SLC25A53: variants seen among roughly 807,000 people sequenced by gnomAD.
SLC25A53 encodes the protein solute carrier family 25 member 53.
SLC25A53 carries 5 observed loss-of-function variants against 15.0 expected under a neutral mutation model. The observed-to-expected ratio is 0.33, with a 90% CI of 0.17 to 0.70. SLC25A53 has a LOEUF of 0.70. SLC25A53 is among the 30% of genes least tolerant of loss of function. The probability of loss-of-function intolerance (pLI) is 0.67; values close to 1 mark genes in which losing one functional copy is unlikely to be tolerated. For missense variants in SLC25A53, 216 were observed against 241.6 expected (o/e 0.89, Z 0.70); for synonymous variants, 95 against 100.0 (o/e 0.95, Z 0.30).
intron 1 of SLC25A53, among the ~76,000 whole-genome samples, chrX:104,148,281 T>C (rs1216181198): frequency 9.5e-6 from 1 of 105,682 alleles, no homozygotes; most frequent in Non-Finnish European, 1.9e-5. Flanking sequence ...AAGGGGAACA[T>C]CACACTCTGG....
At chrX:104,137,432 C>G (rs143176554) in intron 1 of SLC25A53, among the ~76,000 whole-genome samples, 4 of 110,658 alleles carry the variant, frequency 3.6e-5, no homozygotes, top group South Asian at 3.9e-4. Context: ...CCTGCACCCC[C>G]CAAGCCCCAA....
intron 1 of SLC25A53, chrX:104,114,922 A>G: frequency 8.3e-7 from 1 of 1,198,184 alleles, no homozygotes; most frequent in Non-Finnish European, 1.1e-6. Flanking sequence ...AATAGATGAT[A>G]CCCTTGATGA....
At chrX:104,150,323 A>T (rs1026325186) in intron 1 of SLC25A53, among the ~76,000 whole-genome samples, 2 of 111,166 alleles carry the variant, frequency 1.8e-5, no homozygotes, top group Admixed American at 9.6e-5. Flanking sequence ...CTGACTATTT[A>T]TCTGCTATAA....
At chrX:104,122,314 T>G (rs1556363069) in intron 1 of SLC25A53, among the ~76,000 whole-genome samples, 1 of 80,833 alleles carries the variant, frequency 1.2e-5, no homozygotes, top group Non-Finnish European at 2.6e-5. Context: ...GTTTTTTTTT[T>G]TTGTTTTTTT....
intron 1 of SLC25A53, among the ~76,000 whole-genome samples, chrX:104,129,839 CATAT>C (rs1222476618): frequency 1.1e-5 from 1 of 88,616 alleles, no homozygotes; most frequent in East Asian, 3.5e-4. Flanking sequence ...ACTACAAACA[CATAT>C]ATATCCACAC....
intron 1 of SLC25A53, among the ~76,000 whole-genome samples, chrX:104,156,568 A>T (rs1556371498): frequency 9.0e-6 from 1 of 110,803 alleles, no homozygotes; most frequent in Non-Finnish European, 1.9e-5. Flanking sequence ...CCAGCAGACA[A>T]CACGTTTTCG....
At chrX:104,132,368 C>T (rs189683369) in intron 1 of SLC25A53, among the ~76,000 whole-genome samples, 1,630 of 111,818 alleles carry the variant, frequency 0.015, 23 homozygotes, top group Middle Eastern at 0.037. Flanking sequence ...GCTAATCAAG[C>T]TCCTTATGCC....
chrX:104,130,495 T>G (rs1435710186), intron 1 of SLC25A53: 6 of 111,255 alleles, frequency 5.4e-5, no homozygotes, highest in African/African-American at 1.6e-4. Context: ...CCAACTAACC[T>G]TCATATATTC....
At chrX:104,122,304 GT>G (rs1264243091) in intron 1 of SLC25A53, among the ~76,000 whole-genome samples, 24 of 77,001 alleles carry the variant, frequency 3.1e-4, no homozygotes, top group East Asian at 1.7e-3. Flanking sequence ...TCTTTTTTTT[GT>G]TTTTTTTTTT....
chrX:104,136,382 CCT>C (rs1481594400), intron 1 of SLC25A53, among the ~76,000 whole-genome samples: 1 of 111,229 alleles, frequency 9.0e-6, no homozygotes, highest in Non-Finnish European at 1.9e-5. Flanking sequence ...TCATTTCTGT[CCT>C]CTGTCTGGTA....
In SLC25A53 at chrX:104,105,135, A is replaced by G. The variant is rs1556355420; in HGVS notation, c.123T>C (p.Ser41=). The G allele has an allele frequency of 8.2e-7, 1 of 1,212,241 alleles. No individual in the cohort carries two copies. The change falls in exon 2 of 2, where the codon TCT becomes TCC. Residue 41 remains serine, a synonymous_variant. Transcript: ENST00000594199. The part of the protein sequence containing the change: ...YALGAVSNFM[S]TFLTFPIYKV... ...TATAGATAGGAAAGGTCAGAAAAGT[A>G]GACATAAAGTTGGAAACGGCCCCAA...
chrX:104,104,902 G>T lies in SLC25A53; in HGVS notation c.356C>A (p.Ala119Asp), dbSNP rs1556355161. ...CACCACGCCAGACATGAGCCCGGCA[G>T]CCCAGCGGTGTCCCAGGGTGTGTGG... Reference protein sequence around the residue: ...VGPHTLGHRWAAGLMSGVVEA... With the variant: ...VGPHTLGHRWDAGLMSGVVEA... Residue 119 changes from alanine (A) to aspartate (D), a missense_variant, in exon 2 of 2, where the codon GCT becomes GAT. By Grantham distance (126) the Ala-to-Asp change is moderately radical. Transcript: ENST00000594199. The T allele has an allele frequency of 8.3e-7, 1 of 1,209,996 alleles. No individual in the cohort carries two copies. Among genetic ancestry groups the T allele is most frequent in the African/African-American group, 1.8e-5 (1 of 57,089 alleles).
At chrX:104,111,507 GA>G (rs1298035024) in intron 1 of SLC25A53, among the ~76,000 whole-genome samples, 2 of 110,695 alleles carry the variant, frequency 1.8e-5, no homozygotes, top group East Asian at 2.8e-4. Flanking sequence ...AAGAAGAAAA[GA>G]AAAAAAGATT....
chrX:104,119,303 C>CCTTTTTAAACATTTTA (rs1467990317), intron 1 of SLC25A53, among the ~76,000 whole-genome samples: 1 of 112,129 alleles, frequency 8.9e-6, no homozygotes, highest in East Asian at 2.8e-4. Context: ...TGTTCAAAAG[C>CCTTTTTAAACATTTTA]AACCCCTTTT....
rs188031762 is a variant in SLC25A53 at position 104,130,112 on chromosome X, G to A, written c.-31-24824C>T. 7.7e-3 allele frequency among the ~76,000 whole-genome samples: 858 copies of A among 111,028 alleles called. 4 individuals are homozygous for A. The highest frequency in any genetic ancestry group is 0.013 in the Non-Finnish European group (691 of 53,040). On this transcript the variant is annotated intron_variant, in intron 1 of 1. Transcript: ENST00000594199. ...CTGTCAAAGGTGAAGTTCAAGTGACGTTTTGGTACAAACTGCCATCCACCA... is the reference window on the plus strand; with the variant it reads ...CTGTCAAAGGTGAAGTTCAAGTGACATTTTGGTACAAACTGCCATCCACCA...
At position 104,102,732 on chromosome X, in the gene SLC25A53, A is replaced by T. The variant is rs1301651451; in HGVS notation, c.*1602T>A. On this transcript the variant is annotated 3_prime_UTR_variant, in exon 2 of 2. Coordinates refer to ENST00000594199, the MANE Select transcript of SLC25A53 (RefSeq NM_001012755.5). ...AATGCATACAAAAATCCCTGCTTTCAATGAGTTTTACAGTCTAGTAGGAGG... is the reference window on the plus strand; with the variant it reads ...AATGCATACAAAAATCCCTGCTTTCTATGAGTTTTACAGTCTAGTAGGAGG... The T allele has an allele frequency of 8.9e-6, 1 of 112,083 alleles. No homozygotes were observed. Among genetic ancestry groups the T allele is most frequent in the Non-Finnish European group, 1.9e-5 (1 of 53,260 alleles). 9.2% of individuals were successfully genotyped at this position (112,083 alleles called of 1,213,427 possible). A position where few individuals can be genotyped will look rare whatever the true frequency, so the allele number is the denominator to read the frequency against.
chrX:104,106,883 ACAATCTCATTGCTCCATCAATCTCCCCG>A (rs2075313488), intron 1 of SLC25A53, among the ~76,000 whole-genome samples: 1 of 86,273 alleles, frequency 1.2e-5, no homozygotes, highest in African/African-American at 4.7e-5. Context: ...CCATATCCCC[ACAATCTCATTGCTCCATCAATCTCCCCG>A]CAATCCCATT....
At chrX:104,152,107 A>G (rs1212654969) in intron 1 of SLC25A53, among the ~76,000 whole-genome samples, 4 of 111,078 alleles carry the variant, frequency 3.6e-5, no homozygotes, top group Non-Finnish European at 7.6e-5. Context: ...TTTAAGTTTT[A>G]GGGTACATGT....
At chrX:104,152,851 T>C (rs1374444861) in intron 1 of SLC25A53, among the ~76,000 whole-genome samples, 4 of 112,253 alleles carry the variant, frequency 3.6e-5, no homozygotes, top group Non-Finnish European at 7.5e-5. Flanking sequence ...GGTTGTCTTT[T>C]TATGTGTGTC....
Sources: gnomAD v4.1 joint callset for allele counts (sites outside exome capture counted in the v4.1 genomes callset) on GRCh38, gnomAD v4.1.1 for gene constraint, MANE v1.5 for transcripts, NCBI Gene and HGNC (gene_info 2026-07-23, HGNC 2026-07-21) for gene names.